MYO9A: variants seen among roughly 807,000 people sequenced by gnomAD.
The protein encoded by MYO9A is unconventional myosin-IXa.
A neutral mutation model predicts 293.3 loss-of-function variants in MYO9A; 103 were observed. The ratio of observed to expected loss-of-function variants is 0.35; its 90% confidence interval spans 0.30 to 0.41. The LOEUF is 0.41. Among genes scored for constraint, MYO9A ranks in the 10% least tolerant of loss-of-function variants. The probability of loss-of-function intolerance (pLI) is 1.00; values close to 1 mark genes in which losing one functional copy is unlikely to be tolerated. For synonymous variants in MYO9A, 1,001 were observed against 1,035.7 expected, an observed-to-expected ratio of 0.97 and a Z score of 0.64; for missense variants, 2,685 against 3,033.0, an observed-to-expected ratio of 0.89 and a Z score of 2.69.
rs1407101933 is a variant in MYO9A, at chr15:72,094,390, T to C, written c.-72+23290A>G. 9.9e-5 allele frequency among the ~76,000 whole-genome samples: 9 copies of C among 91,236 alleles called. 1 individual carries two copies. Among genetic ancestry groups the C allele is most frequent in the African/African-American group, 2.3e-4 (9 of 38,658 alleles). 59.9% of individuals were successfully genotyped at this position (91,236 alleles called of 152,430 possible). On this transcript the variant is annotated intron_variant, in intron 1 of 41. Coordinates refer to ENST00000356056, the MANE Select transcript of MYO9A (RefSeq NM_006901.4). ...GATTTTTTAACAAATTAAAGGTTTG[T>C]GGCAACCCTGTGTCAAGTAAGTCAA...
intron 2 of MYO9A, among the ~76,000 whole-genome samples, chr15:72,037,911 C>CT (rs918016153): frequency 0.018 from 2,542 of 139,966 alleles, 77 homozygotes; most frequent in African/African-American, 0.058. Context: ...AGACTATCAG[C>CT]TTTTTTTTTT....
Position 71,951,760 on chromosome 15 carries a change from A to G in MYO9A, c.2302+17T>C. The G allele has an allele frequency of 6.2e-7, 1 of 1,613,546 alleles. No individual in the cohort carries two copies. The highest frequency in any genetic ancestry group is 1.3e-5 in the African/African-American group (1 of 75,040). On this transcript the variant is annotated intron_variant, in intron 15 of 41. Transcript: ENST00000356056. ...AATGGATATGTGATAACAGTTTATC[A>G]GGATTTGTAGCCTTACTGTACTTCT...
At chr15:71,868,227 G>A (rs542485459) in intron 32 of MYO9A, among the ~76,000 whole-genome samples, 2 of 152,290 alleles carry the variant, frequency 1.3e-5, no homozygotes, top group East Asian at 1.9e-4. Context: ...TTTCCTTGCT[G>A]ACTATTAGCT....
chr15:72,074,512 T>C (rs2079285650), intron 1 of MYO9A, among the ~76,000 whole-genome samples: 2 of 152,192 alleles, frequency 1.3e-5, no homozygotes, highest in South Asian at 2.1e-4. Flanking sequence ...TCTGAGATCA[T>C]GGTGAACACA....
At chr15:71,914,214 G>A (rs971190869) in intron 19 of MYO9A, among the ~76,000 whole-genome samples, 24 of 152,078 alleles carry the variant, frequency 1.6e-4, no homozygotes, top group African/African-American at 5.1e-4. Flanking sequence ...TTCCTGAGCC[G>A]TAGCAAATCA....
At chr15:71,868,781 C>T (rs1348531609) in intron 32 of MYO9A, among the ~76,000 whole-genome samples, 4 of 151,874 alleles carry the variant, frequency 2.6e-5, no homozygotes, top group African/African-American at 9.7e-5. Flanking sequence ...AAAAATTTAC[C>T]ACTAGAAGAC....
At chr15:71,873,610 T>C (rs2056592038) in intron 32 of MYO9A, among the ~76,000 whole-genome samples, 1 of 152,210 alleles carries the variant, frequency 6.6e-6, no homozygotes, top group South Asian at 2.1e-4. Context: ...AGGTAACTAA[T>C]TTATTTTCAG....
At chr15:72,097,171 A>G (rs1426031458) in intron 1 of MYO9A, among the ~76,000 whole-genome samples, 1 of 152,250 alleles carries the variant, frequency 6.6e-6, no homozygotes, top group African/African-American at 2.4e-5. Context: ...ATGCTATCAA[A>G]TGGCACTGCA....
intron 11 of MYO9A, among the ~76,000 whole-genome samples, chr15:71,978,592 G>A (rs1009692978): frequency 6.6e-6 from 1 of 151,970 alleles, no homozygotes. Context: ...AAGTAAAAAC[G>A]TACAATGAAG....
At chr15:71,995,730 T>C (rs148396532) in intron 9 of MYO9A, among the ~76,000 whole-genome samples, 1 of 152,026 alleles carries the variant, frequency 6.6e-6, no homozygotes, top group Non-Finnish European at 1.5e-5. Flanking sequence ...ATAAAGAAAA[T>C]AGTAATAATT....
chr15:71,856,378 T>G (rs1031560876), intron 34 of MYO9A, among the ~76,000 whole-genome samples: 1 of 151,568 alleles, frequency 6.6e-6, no homozygotes, highest in African/African-American at 2.4e-5. Flanking sequence ...ATAAATAGAT[T>G]AACTATTATG....
chr15:71,944,530 G>A (rs2058860920), intron 15 of MYO9A, among the ~76,000 whole-genome samples: 2 of 152,112 alleles, frequency 1.3e-5, no homozygotes, highest in Non-Finnish European at 1.5e-5. Context: ...TAACTTACAT[G>A]TATGATATAA....
chr15:72,091,142 T>A (rs897223506), intron 1 of MYO9A, among the ~76,000 whole-genome samples: 1 of 151,354 alleles, frequency 6.6e-6, no homozygotes, highest in African/African-American at 2.4e-5. Context: ...AAGGCTGCAG[T>A]AAGCTATGAC....
intron 9 of MYO9A, among the ~76,000 whole-genome samples, chr15:71,999,483 A>C (rs2076802570): frequency 6.6e-6 from 1 of 152,130 alleles, no homozygotes; most frequent in Non-Finnish European, 1.5e-5. Context: ...AACAATGAAA[A>C]AGTTAACCAA....
At chr15:72,023,673 C>T (rs528664670) in intron 4 of MYO9A, among the ~76,000 whole-genome samples, 110 of 128,850 alleles carry the variant, frequency 8.5e-4, no homozygotes, top group Non-Finnish European at 1.3e-3. Flanking sequence ...CCAGCCTGGG[C>T]GACAAGAATG....
At chr15:72,035,906 T>A (rs1157740138) in intron 2 of MYO9A, among the ~76,000 whole-genome samples, 1 of 151,236 alleles carries the variant, frequency 6.6e-6, no homozygotes, top group Non-Finnish European at 1.5e-5. Flanking sequence ...TTCTGAGTCA[T>A]GAAAGGATGG....
At chr15:71,912,262 T>TG (rs1412037961) in intron 19 of MYO9A, among the ~76,000 whole-genome samples, 1 of 152,050 alleles carries the variant, frequency 6.6e-6, no homozygotes, top group Admixed American at 6.5e-5. Context: ...AGAAAAGTTT[T>TG]TTTTTTTTTT....
At chr15:72,045,603 C>T (rs2078362894) in intron 2 of MYO9A, 121 bp downstream of exon 2, 4 of 1,141,590 alleles carry the variant, frequency 3.5e-6, no homozygotes, top group Non-Finnish European at 4.8e-6. Flanking sequence ...GGAACAGTAT[C>T]TTGCTTGATC....
chr15:72,034,331 G>A (rs146304844), intron 2 of MYO9A, among the ~76,000 whole-genome samples: 1,954 of 152,192 alleles, frequency 0.013, 28 homozygotes, highest in African/African-American at 0.021. Context: ...GACAACCACC[G>A]CTCTACTTAT....
Sources: gnomAD v4.1 joint callset for allele counts (sites outside exome capture counted in the v4.1 genomes callset) on GRCh38, gnomAD v4.1.1 for gene constraint, MANE v1.5 for transcripts, NCBI Gene and HGNC (gene_info 2026-07-23, HGNC 2026-07-21) for gene names.